MPHOSPH6: variants seen among roughly 807,000 people sequenced by gnomAD.
MPHOSPH6 encodes the protein M-phase phosphoprotein 6.
A neutral mutation model predicts 21.8 loss-of-function variants in MPHOSPH6; 25 were observed. That is an observed-to-expected ratio of 1.15 (90% CI 0.83 to 1.60). The LOEUF (loss-of-function observed/expected upper bound fraction) is 1.60. Ranked by LOEUF, MPHOSPH6 falls within the 40% of genes most tolerant of loss-of-function variation. The probability of loss-of-function intolerance (pLI) is 0.00; values close to 1 mark genes in which losing one functional copy is unlikely to be tolerated. For missense variants in MPHOSPH6, 269 were observed against 181.8 expected, an observed-to-expected ratio of 1.48 and a Z score of -2.76; for synonymous variants, 84 against 56.5, an observed-to-expected ratio of 1.49 and a Z score of -2.18.
intron 3 of MPHOSPH6, 182 bp downstream of exon 3, chr16:82,151,242 A>T: frequency 1.3e-6 from 1 of 752,968 alleles, no homozygotes; most frequent in Non-Finnish European, 2.1e-6. Context: ...ACTCACCTCT[A>T]CCATAAAACT....
chr16:82,149,477 A>C, intron 3 of MPHOSPH6, 74 bp from the exon 4 acceptor site: 1 of 1,294,928 alleles, frequency 7.7e-7, no homozygotes, highest in South Asian at 1.2e-5. Context: ...ACTTACCTGA[A>C]GGCAGAGAAA....
At chr16:82,163,283 A>G (rs533613053) in intron 2 of MPHOSPH6, among the ~76,000 whole-genome samples, 178 of 152,358 alleles carry the variant, frequency 1.2e-3, no homozygotes, top group African/African-American at 4.2e-3. Flanking sequence ...AAACTACCAT[A>G]CAACAGAGCT....
chr16:82,150,618 T>C (rs1906234452), intron 3 of MPHOSPH6, among the ~76,000 whole-genome samples: 1 of 152,204 alleles, frequency 6.6e-6, no homozygotes, highest in Non-Finnish European at 1.5e-5. Context: ...ACATTTTTGG[T>C]TGTCACAGCT....
rs370284195 is a variant in MPHOSPH6 at position 82,170,186 on chromosome 16, G to T, written c.-11C>A. Reference sequence around the variant, plus strand: ...TCGCTCGGCCGCCATGGTAGCTTCCGCCCAGCGCCGCACTCCGGCCGCGAG... The same window carrying T: ...TCGCTCGGCCGCCATGGTAGCTTCCTCCCAGCGCCGCACTCCGGCCGCGAG... On this transcript the variant is annotated 5_prime_UTR_variant, in exon 1 of 5. Transcript: ENST00000258169. 3.8e-6 allele frequency: 6 copies of T among 1,576,486 alleles called. No homozygotes were observed. Among genetic ancestry groups the T allele is most frequent in the Non-Finnish European group, 5.2e-6 (6 of 1,163,276 alleles).
intron 1 of MPHOSPH6, among the ~76,000 whole-genome samples, chr16:82,164,469 C>G (rs1292203203): frequency 6.6e-6 from 1 of 152,244 alleles, no homozygotes; most frequent in East Asian, 1.9e-4. Context: ...GTCTTGTGCT[C>G]ACCCACAGAG....
At chr16:82,156,116 A>G (rs1906421073) in intron 2 of MPHOSPH6, among the ~76,000 whole-genome samples, 1 of 152,326 alleles carries the variant, frequency 6.6e-6, no homozygotes, top group Admixed American at 6.5e-5. Flanking sequence ...GGAATTAACC[A>G]TAAAAGAAAA....
intron 2 of MPHOSPH6, 122 bp from the exon 3 acceptor site, chr16:82,151,636 A>G (rs950656607): frequency 3.1e-6 from 4 of 1,291,992 alleles, no homozygotes; most frequent in Non-Finnish European, 4.0e-6. Flanking sequence ...AAAATACAGT[A>G]AGATTTCTAA....
intron 2 of MPHOSPH6, among the ~76,000 whole-genome samples, chr16:82,159,109 C>T (rs1307334051): frequency 1.3e-5 from 2 of 152,196 alleles, no homozygotes; most frequent in African/African-American, 2.4e-5. Flanking sequence ...CTCTTTTCAA[C>T]TGTATCACCT....
At position 82,169,995 on chromosome 16, in the gene MPHOSPH6, T is replaced by C. The variant is rs1282806968; in HGVS notation, c.51+130A>G. ...GCAGAGCAGGCGCTAAGTGAATGAA[T>C]GAGCACGAGAGCTGGAAGCCCTCTG... On this transcript the variant is annotated intron_variant, in intron 1 of 4. Transcript: ENST00000258169. 3.8e-6 allele frequency: 4 copies of C among 1,054,158 alleles called. No individual in the cohort carries two copies. In the African/African-American group the frequency reaches 6.4e-5, roughly 17 times the overall value. 65.3% of individuals were successfully genotyped at this position (1,054,158 alleles called of 1,614,324 possible).
rs772398743 is a variant in MPHOSPH6, at chr16:82,151,445, T to C, written c.234A>G (p.Arg78=). ...ATACCTCAACCTCAGGATTAAATCC[T>C]CTGAATGACATTCTTCCATAGAGAA... is the stretch of plus-strand genomic sequence containing the variant. ...EDLLYGRMSF[R]GFNPEVEKLM... Residue 78 remains arginine (R), a synonymous_variant, in exon 3 of 5, where the codon AGA becomes AGG. Coordinates refer to ENST00000258169, the MANE Select transcript of MPHOSPH6 (RefSeq NM_005792.2). 13 of 1,606,974 alleles carry C rather than the reference T, an allele frequency of 8.1e-6. No individual in the cohort carries two copies. Among genetic ancestry groups the C allele is most frequent in the Non-Finnish European group, 1.1e-5 (13 of 1,177,280 alleles).
chr16:82,166,141 G>A (rs1426060249), intron 1 of MPHOSPH6, among the ~76,000 whole-genome samples: 1 of 152,214 alleles, frequency 6.6e-6, no homozygotes. Flanking sequence ...GTAAAATGTT[G>A]CCGCTAGGGG....
In MPHOSPH6 at chr16:82,149,394, G is replaced by C; in HGVS notation, c.265C>G (p.Leu89Val). 1 of 1,611,924 alleles carries C rather than the reference G, an allele frequency of 6.2e-7. No individual in the cohort carries two copies. Reference protein sequence around the residue: ...GFNPEVEKLMLQMNAKHKAEE... With the variant: ...GFNPEVEKLMVQMNAKHKAEE... ...GCTTTGTGCTTAGCATTCATCTGAA[G>C]CATCAATTTCTGAAAAATACACCAG... Residue 89 changes from leucine (L) to valine (V), a missense_variant, in exon 4 of 5, where the codon CTT (leucine) becomes GTT (valine). Physicochemically the swap from Leu to Val is conservative, Grantham distance 32. Coordinates refer to ENST00000258169, the MANE Select transcript of MPHOSPH6 (RefSeq NM_005792.2).
intron 2 of MPHOSPH6, chr16:82,162,371 T>C (rs1490721537): frequency 6.6e-6 from 1 of 152,250 alleles, no homozygotes; most frequent in African/African-American, 2.4e-5. Flanking sequence ...GGACATGTCA[T>C]CCATTCACCC....
Position 82,149,180 on chromosome 16 carries a change from G to A in MPHOSPH6, c.350+129C>T, listed in dbSNP as rs534408510. 6.3e-5 allele frequency: 63 copies of A among 1,007,342 alleles called. No homozygotes were observed. In the South Asian group the frequency reaches 8.2e-4, roughly 13 times the overall value. The allele number at this position is 1,007,342 out of a possible 1,614,324, so 62.4% of individuals were successfully genotyped here. Reference sequence around the variant, plus strand: ...CCCCGTAGGCCATTAAGAGAAGGCCGATCACAGTCATCGTCCTACTGGGGG... The same window carrying A: ...CCCCGTAGGCCATTAAGAGAAGGCCAATCACAGTCATCGTCCTACTGGGGG... On this transcript the variant is annotated intron_variant, in intron 4 of 4. Coordinates refer to ENST00000258169, the MANE Select transcript of MPHOSPH6 (RefSeq NM_005792.2).
intron 3 of MPHOSPH6, among the ~76,000 whole-genome samples, chr16:82,150,697 G>C (rs909554402): frequency 6.6e-6 from 1 of 152,192 alleles, no homozygotes; most frequent in African/African-American, 2.4e-5. Context: ...CAGGGATGTG[G>C]TTCGTCATTC....
intron 3 of MPHOSPH6, among the ~76,000 whole-genome samples, chr16:82,150,508 T>A (rs1005648199): frequency 6.6e-6 from 1 of 152,216 alleles, no homozygotes; most frequent in South Asian, 2.1e-4. Context: ...AATCTTTCAA[T>A]AAACTCTGGC....
intron 2 of MPHOSPH6, among the ~76,000 whole-genome samples, chr16:82,154,568 C>A (rs7202019): frequency 0.21 from 31,093 of 151,474 alleles, 3,803 homozygotes; most frequent in Admixed American, 0.38. Flanking sequence ...CGAAAACATG[C>A]ATGCAATGAA....
rs1478462974 is a variant in MPHOSPH6, at chr16:82,148,500, G to A, written c.*231C>T. 2 of 447,314 alleles carry A rather than the reference G, an allele frequency of 4.5e-6. No individual in the cohort carries two copies. Among genetic ancestry groups the A allele is most frequent in the Non-Finnish European group, 3.8e-6 (1 of 264,250 alleles). The allele number at this position is 447,314 out of a possible 1,614,324, so 27.7% of individuals were successfully genotyped here. ...CTTTAGGAAGCAGCCCTGTAACAAT[G>A]TACATTTGTAGATCAGGGGCTAAAA... is the stretch of plus-strand genomic sequence containing the variant. On this transcript the variant is annotated 3_prime_UTR_variant, in exon 5 of 5. Transcript: ENST00000258169.
intron 2 of MPHOSPH6, among the ~76,000 whole-genome samples, chr16:82,156,265 C>CA (rs759880206): frequency 5.9e-5 from 9 of 152,002 alleles, no homozygotes; most frequent in East Asian, 3.9e-4. Context: ...AGTTTTGTCT[C>CA]AAAAAAACCC....
Sources: gnomAD v4.1 joint callset for allele counts (sites outside exome capture counted in the v4.1 genomes callset) on GRCh38, gnomAD v4.1.1 for gene constraint, MANE v1.5 for transcripts, NCBI Gene and HGNC (gene_info 2026-07-23, HGNC 2026-07-21) for gene names.